CHN2: variants seen among roughly 807,000 people sequenced by gnomAD.
CHN2 encodes the protein beta-chimaerin.
A neutral mutation model predicts 56.3 loss-of-function variants in CHN2; 35 were observed. That is an observed-to-expected ratio of 0.62 (90% CI 0.47 to 0.82). CHN2 has a LOEUF of 0.82. Among genes scored for constraint, CHN2 ranks in the 40% least tolerant of loss-of-function variants. The pLI is 0.00. For missense variants in CHN2, 491 were observed against 580.5 expected (o/e 0.85, Z 1.58); for synonymous variants, 210 against 212.8 (o/e 0.99, Z 0.12).
At chr7:29,211,119 G>A (rs1359661759) in intron 1 of CHN2, among the ~76,000 whole-genome samples, 3 of 151,924 alleles carry the variant, frequency 2.0e-5, no homozygotes, top group Non-Finnish European at 4.4e-5. Flanking sequence ...CGCCCAGGCT[G>A]GAGTGCAGTG....
chr7:29,158,020 C>T (rs193072867), intron 2 of CHN2, among the ~76,000 whole-genome samples: 206 of 152,168 alleles, frequency 1.4e-3, no homozygotes, highest in African/African-American at 4.8e-3. Context: ...TATCATTTAG[C>T]CCAGAAAAGG....
At chr7:29,446,615 C>A (rs138636842) in intron 6 of CHN2, among the ~76,000 whole-genome samples, 13 of 152,204 alleles carry the variant, frequency 8.5e-5, no homozygotes, top group South Asian at 2.1e-4. Flanking sequence ...AGAGTTCACA[C>A]GACCCGGTAA....
At chr7:29,151,122 C>T (rs1562795833) in intron 2 of CHN2, among the ~76,000 whole-genome samples, 1 of 152,156 alleles carries the variant, frequency 6.6e-6, no homozygotes, top group East Asian at 1.9e-4. Context: ...CTTCAGTCTC[C>T]TTGTACTTGG....
chr7:29,380,296 A>C (rs1285584048), intron 3 of CHN2, among the ~76,000 whole-genome samples: 1 of 151,064 alleles, frequency 6.6e-6, no homozygotes, highest in East Asian at 1.9e-4. Flanking sequence ...CAAAAAAAAA[A>C]CCCTTACTAT....
intron 1 of CHN2, among the ~76,000 whole-genome samples, chr7:29,307,508 T>C (rs763282591): frequency 6.6e-6 from 1 of 152,210 alleles, no homozygotes; most frequent in Non-Finnish European, 1.5e-5. Flanking sequence ...GGAATTAAGA[T>C]TTCAGATGAA....
At chr7:29,370,974 C>T (rs73078566) in intron 3 of CHN2, among the ~76,000 whole-genome samples, 1 of 152,320 alleles carries the variant, frequency 6.6e-6, no homozygotes, top group Non-Finnish European at 1.5e-5. Flanking sequence ...TAACACAGAG[C>T]CAACCACTTA....
chr7:29,163,807 C>T (rs1026869468), intron 2 of CHN2, among the ~76,000 whole-genome samples: 1 of 152,074 alleles, frequency 6.6e-6, no homozygotes, highest in African/African-American at 2.4e-5. Flanking sequence ...GTATCTTTCA[C>T]TTTGTGTAGT....
intron 1 of CHN2, among the ~76,000 whole-genome samples, chr7:29,288,053 A>T (rs1013791449): frequency 6.6e-6 from 1 of 152,244 alleles, no homozygotes. Context: ...AAATGACAAT[A>T]TGAAAAAATA....
chr7:29,349,583 C>T (rs931718952), intron 1 of CHN2, among the ~76,000 whole-genome samples: 2 of 152,146 alleles, frequency 1.3e-5, no homozygotes, highest in Admixed American at 6.5e-5. Context: ...CACAGCAGAG[C>T]GATGAACATC....
intron 6 of CHN2, among the ~76,000 whole-genome samples, chr7:29,408,197 A>T (rs1310079166): frequency 6.6e-6 from 1 of 151,628 alleles, no homozygotes; most frequent in Admixed American, 6.6e-5. Context: ...ATCAAAAAAA[A>T]AAAATAAATT....
intron 6 of CHN2, among the ~76,000 whole-genome samples, chr7:29,414,723 G>T (rs1469264172): frequency 6.6e-6 from 1 of 152,164 alleles, no homozygotes; most frequent in African/African-American, 2.4e-5. Flanking sequence ...CTCCCTAGCT[G>T]TGTCCAAGAG....
chr7:29,324,605 CTTT>C (rs67912096), intron 1 of CHN2, among the ~76,000 whole-genome samples: 1 of 144,306 alleles, frequency 6.9e-6, no homozygotes. Context: ...TCAGCTGTGA[CTTT>C]TTTTTTTTTT....
intron 1 of CHN2, among the ~76,000 whole-genome samples, chr7:29,309,000 C>T (rs1313071380): frequency 6.6e-6 from 1 of 152,018 alleles, no homozygotes; most frequent in Admixed American, 6.5e-5. Context: ...GAGTAGATTA[C>T]CCACCAAGAA....
chr7:29,346,032 T>G (rs1323963167), intron 1 of CHN2, among the ~76,000 whole-genome samples: 1 of 152,272 alleles, frequency 6.6e-6, no homozygotes, highest in East Asian at 1.9e-4. Context: ...AAGCAGAGTT[T>G]CCAAAGAGAA....
At chr7:29,269,164 T>C (rs1284403617) in intron 1 of CHN2, among the ~76,000 whole-genome samples, 2 of 152,186 alleles carry the variant, frequency 1.3e-5, no homozygotes, top group African/African-American at 4.8e-5. Flanking sequence ...CTTATCTAAC[T>C]GTATTTTTGT....
At chr7:29,197,082 A>T (rs1244445268) in intron 1 of CHN2, among the ~76,000 whole-genome samples, 1 of 152,072 alleles carries the variant, frequency 6.6e-6, no homozygotes, top group Non-Finnish European at 1.5e-5. Context: ...AATAATTCAG[A>T]TGACACAAGC....
chr7:29,466,634 A>C, intron 6 of CHN2, among the ~76,000 whole-genome samples: 1 of 152,218 alleles, frequency 6.6e-6, no homozygotes, highest in Non-Finnish European at 1.5e-5. Flanking sequence ...TGCTAGATTA[A>C]GAATTTTCAT....
rs74686025 is a variant in CHN2, at chr7:29,272,608, C to A, written c.49+77618C>A. 4.9e-3 allele frequency among the ~76,000 whole-genome samples: 747 copies of A among 152,182 alleles called. 3 individuals are homozygous for A. Among genetic ancestry groups the A allele is most frequent in the Non-Finnish European group, 8.6e-3 (582 of 68,000 alleles). ...GGGTTAAAAAGAAAGTTGCCACATT[C>A]TTCTATGTGGTTTTCAGATTTTTGG... On this transcript the variant is annotated intron_variant, in intron 1 of 12. Coordinates refer to ENST00000222792, the MANE Select transcript of CHN2 (RefSeq NM_004067.4).
intron 6 of CHN2, among the ~76,000 whole-genome samples, chr7:29,428,312 A>G (rs986192589): frequency 1.7e-4 from 26 of 152,216 alleles, no homozygotes; most frequent in African/African-American, 6.3e-4. Flanking sequence ...ATACATTCCC[A>G]CATCTTAGTG....
Sources: allele counts gnomAD v4.1 joint callset (sites outside exome capture counted in the v4.1 genomes callset), GRCh38; gene constraint gnomAD v4.1.1; transcripts MANE v1.5; gene names NCBI Gene and HGNC (gene_info 2026-07-23, HGNC 2026-07-21).